ERAP1: variants seen among roughly 807,000 people sequenced by gnomAD.
ERAP1 encodes endoplasmic reticulum aminopeptidase 1.
In ERAP1, 86 loss-of-function variants were observed where a neutral mutation model predicts 103.7. The observed-to-expected ratio is 0.83, with a 90% CI of 0.70 to 0.99. The LOEUF (loss-of-function observed/expected upper bound fraction) is 0.99. Among genes scored for constraint, ERAP1 ranks in the 50% least tolerant of loss-of-function variants. ERAP1 has a pLI of 0.00. For synonymous variants in ERAP1, 398 were observed against 402.4 expected (o/e 0.99, Z 0.13); for missense variants, 1,009 against 1,128.4 (o/e 0.89, Z 1.52).
the ERAP1 span, among the ~76,000 whole-genome samples, chr5:96,893,714 T>C: frequency 6.6e-6 from 1 of 152,194 alleles, no homozygotes; most frequent in Admixed American, 6.5e-5. Flanking sequence ...CACTTTTTTG[T>C]CTTCCCATTG....
intron 14 of ERAP1, 32 bp from the exon 15 acceptor site, chr5:96,783,267 G>A (rs776143671): frequency 1.8e-5 from 29 of 1,584,068 alleles, no homozygotes; most frequent in Non-Finnish European, 2.3e-5. Context: ...ACAGGGACCA[G>A]TATTGTCACA....
downstream of ERAP1, chr5:96,770,692 T>C: frequency 1.2e-6 from 1 of 860,662 alleles, no homozygotes; most frequent in Admixed American, 1.9e-5. Flanking sequence ...CCTACTGGAA[T>C]CTATTTAGAA....
the ERAP1 span, among the ~76,000 whole-genome samples, chr5:96,892,146 A>T: frequency 2.0e-5 from 3 of 152,318 alleles, no homozygotes; most frequent in South Asian, 4.1e-4. Context: ...CAGCGCAACT[A>T]TAAGACACCC....
intron 14 of ERAP1, among the ~76,000 whole-genome samples, chr5:96,783,530 G>A (rs1775545013): frequency 6.6e-6 from 1 of 152,160 alleles, no homozygotes; most frequent in African/African-American, 2.4e-5. Context: ...AATTTTGAGA[G>A]CAAATTATGC....
At chr5:96,783,322 G>A (rs1325459257) in intron 14 of ERAP1, 87 bp from the exon 15 acceptor site, 1 of 1,266,336 alleles carries the variant, frequency 7.9e-7, no homozygotes, top group Non-Finnish European at 1.1e-6. Flanking sequence ...CAGATGATGG[G>A]GGCTAATTTT....
At chr5:96,914,129 G>GTCTCTCTC in the ERAP1 span, among the ~76,000 whole-genome samples, 1 of 146,852 alleles carries the variant, frequency 6.8e-6, no homozygotes, top group African/African-American at 2.6e-5. Flanking sequence ...ATTGCTTTCT[G>GTCTCTCTC]TCTCTCTCTC....
chr5:96,776,868 A>G (rs1330449800), intron 18 of ERAP1: 1 of 264,350 alleles, frequency 3.8e-6, no homozygotes, highest in African/African-American at 2.2e-5. Flanking sequence ...GTTCTCACAG[A>G]TGCAAACTTC....
rs1420378586 is a variant in ERAP1 at position 96,797,168 on chromosome 5, G to C, written c.798+7C>G. 5 of 1,613,892 alleles carry C rather than the reference G, an allele frequency of 3.1e-6. No homozygotes were observed. The African/African-American group carries it at 6.7e-5, about 22-fold the overall frequency. On this transcript the variant is annotated splice_region_variant and intron_variant, in intron 4 of 18. Coordinates refer to ENST00000443439, the MANE Select transcript of ERAP1 (RefSeq NM_001040458.3). ...CTGGTCACCATATGTGACAGTCATA[G>C]GCTCACCTTGACTCCACTCTTGGTT...
chr5:96,913,006 T>G, the ERAP1 span, among the ~76,000 whole-genome samples: 3 of 152,214 alleles, frequency 2.0e-5, no homozygotes, highest in Non-Finnish European at 4.4e-5. Context: ...TGATTGAGAC[T>G]AGACAAGCGG....
rs182769783 is a variant in ERAP1 at position 96,765,069 on chromosome 5, C to T, written c.2819-1841G>A. ...GATCTTCCATTCCTAGGCTTCTCTT[C>T]TCTGACCCTGTCTACTCCCCTGCCC... On this transcript the variant is annotated intron_variant, in intron 19 of 19. Coordinates refer to the ERAP1 transcript ENST00000296754. The T allele has an allele frequency of 1.4e-4, 87 of 619,374 alleles. 1 individual carries two copies. The African/African-American group carries it at 1.4e-3, about 10-fold the overall frequency. 38.4% of individuals were successfully genotyped at this position (619,374 alleles called of 1,614,324 possible). A position where few individuals can be genotyped will look rare whatever the true frequency, so the allele number is the denominator to read the frequency against.
chr5:96,889,709 G>A, the ERAP1 span, among the ~76,000 whole-genome samples: 3 of 152,050 alleles, frequency 2.0e-5, no homozygotes, highest in East Asian at 1.9e-4. Context: ...TCCCTGTGGC[G>A]GACATCAACG....
At chr5:96,822,286 G>A in the ERAP1 span, among the ~76,000 whole-genome samples, 353 of 151,770 alleles carry the variant, frequency 2.3e-3, 2 homozygotes, top group Non-Finnish European at 4.0e-3. Flanking sequence ...TTGTATTGTC[G>A]TCTGTCTAAA....
chr5:96,787,784 T>TA (rs58711860), intron 11 of ERAP1, among the ~76,000 whole-genome samples: 93,343 of 149,842 alleles, frequency 0.62, 29,228 homozygotes, highest in Non-Finnish European at 0.66. Flanking sequence ...GGTGTATATA[T>TA]TATATATATA....
chr5:96,841,294 T>C, the ERAP1 span, among the ~76,000 whole-genome samples: 2 of 152,248 alleles, frequency 1.3e-5, no homozygotes, highest in African/African-American at 4.8e-5. Flanking sequence ...GGTATCTGTA[T>C]ATTATAACCC....
the ERAP1 span, chr5:96,892,276 G>A: frequency 6.2e-7 from 1 of 1,612,606 alleles, no homozygotes; most frequent in Non-Finnish European, 8.5e-7. Flanking sequence ...TAAAACTCAA[G>A]TATGGTTGTT....
the ERAP1 span, among the ~76,000 whole-genome samples, chr5:96,847,266 A>T: frequency 2.0e-5 from 3 of 150,180 alleles, no homozygotes; most frequent in African/African-American, 7.4e-5. Context: ...AAAAAAAAAA[A>T]GTTGAGTACA....
chr5:96,864,149 A>G, the ERAP1 span, among the ~76,000 whole-genome samples: 10 of 152,306 alleles, frequency 6.6e-5, no homozygotes, highest in East Asian at 1.9e-3. Flanking sequence ...TTATTATGGC[A>G]CTTTGCAGAT....
At chr5:96,833,327 A>T in the ERAP1 span, among the ~76,000 whole-genome samples, 5 of 152,222 alleles carry the variant, frequency 3.3e-5, no homozygotes, top group Non-Finnish European at 4.4e-5. Context: ...CTTGAGCTTC[A>T]TGAGTAAAAG....
At chr5:96,908,883 T>G in the ERAP1 span, 3 of 1,411,534 alleles carry the variant, frequency 2.1e-6, no homozygotes, top group Admixed American at 4.3e-5. Flanking sequence ...TGTTCTCTAT[T>G]TCATATTTGT....
Sources: gnomAD v4.1 joint callset for allele counts (sites outside exome capture counted in the v4.1 genomes callset) on GRCh38, gnomAD v4.1.1 for gene constraint, MANE v1.5 for transcripts, NCBI Gene and HGNC (gene_info 2026-07-23, HGNC 2026-07-21) for gene names.